The following PTPRB variants were observed in gnomAD, a reference collection of about 807,000 sequenced individuals.
PTPRB encodes the protein protein tyrosine phosphatase receptor type B.
PTPRB carries 97 observed loss-of-function variants against 238.1 expected under a neutral mutation model. The observed-to-expected ratio is 0.41, with a 90% confidence interval of 0.35 to 0.48. The LOEUF (loss-of-function observed/expected upper bound fraction) is 0.48, where lower values mean the gene tolerates loss of function less well. Ranked by LOEUF, PTPRB falls within the 20% of genes least tolerant of loss-of-function variation. PTPRB has a pLI of 0.30. For missense variants in PTPRB, 2,292 were observed against 2,681.9 expected, an observed-to-expected ratio of 0.85 and a Z score of 3.21; for synonymous variants, 970 against 995.4, an observed-to-expected ratio of 0.97 and a Z score of 0.48.
intron 3 of PTPRB, among the ~76,000 whole-genome samples, chr12:70,620,564 T>C (rs930972111): frequency 2.0e-5 from 3 of 152,206 alleles, no homozygotes; most frequent in African/African-American, 7.2e-5. Context: ...ATAAATAAAA[T>C]CTCTTGTAAA....
At chr12:70,576,967 A>T (rs1880852340) in intron 10 of PTPRB, among the ~76,000 whole-genome samples, 2 of 152,150 alleles carry the variant, frequency 1.3e-5, no homozygotes, top group Non-Finnish European at 2.9e-5. Context: ...ATCCTTATAC[A>T]ATGTTTTAGA....
At chr12:70,595,454 C>T (rs1169756792) in intron 5 of PTPRB, among the ~76,000 whole-genome samples, 1 of 151,874 alleles carries the variant, frequency 6.6e-6, no homozygotes, top group African/African-American at 2.4e-5. Context: ...ATAAATATCC[C>T]AGAACTTAAA....
chr12:70,524,807 C>A (rs1413287944), intron 32 of PTPRB, among the ~76,000 whole-genome samples: 1 of 150,924 alleles, frequency 6.6e-6, no homozygotes, highest in Non-Finnish European at 1.5e-5. Context: ...ATTTTTCATT[C>A]TTTTTATATA....
intron 32 of PTPRB, among the ~76,000 whole-genome samples, chr12:70,529,537 T>C (rs1872863238): frequency 6.6e-6 from 1 of 152,176 alleles, no homozygotes; most frequent in Non-Finnish European, 1.5e-5. Context: ...TGTTCATTCA[T>C]TTAAAAGATT....
Position 70,573,634 on chromosome 12 carries a change from T to C in PTPRB, c.2843-1547A>G, listed in dbSNP as rs553111654. 2.0e-5 allele frequency among the ~76,000 whole-genome samples: 3 copies of C among 151,488 alleles called. No homozygotes were observed. The East Asian group carries it at 5.8e-4, about 29-fold the overall frequency. On this transcript the variant is annotated intron_variant, in intron 11 of 33. Transcript: ENST00000334414. ...GATTCTCCTGCCTCAGCCTCCCAAG[T>C]AGCTGGGATTACAGGTGCCTGCCAC...
At position 70,569,901 on chromosome 12, in the gene PTPRB, A is replaced by G. The variant is rs376983796; in HGVS notation, c.3408T>C (p.Asn1136=). ...SAVKNIHISP[N]GATDSLTVNW... ...TCACCGTCAGGCTATCTGTTGCTCC[A>G]TTGGGAGAAATGTGAATATTTTTGA... The change falls in exon 14 of 34, where the codon AAT becomes AAC. Residue 1136 remains asparagine, a synonymous_variant. Coordinates refer to ENST00000334414, the MANE Select transcript of PTPRB (RefSeq NM_001109754.4). The G allele has an allele frequency of 6.2e-7, 1 of 1,612,208 alleles. No individual in the cohort carries two copies. The highest frequency in any genetic ancestry group is 2.2e-5 in the East Asian group (1 of 44,880).
intron 15 of PTPRB, among the ~76,000 whole-genome samples, chr12:70,564,512 C>T (rs113465319): frequency 0.016 from 2,168 of 136,400 alleles, 30 homozygotes; most frequent in Admixed American, 0.024. Context: ...GAGGGAGACT[C>T]CATCTCAAAA....
intron 15 of PTPRB, 32 bp downstream of exon 15, chr12:70,566,403 T>A (rs776169723): frequency 6.2e-7 from 1 of 1,602,896 alleles, no homozygotes; most frequent in East Asian, 2.2e-5. Flanking sequence ...ATTGGCAATA[T>A]GTGCTACAAA....
At position 70,622,624 on chromosome 12, in the gene PTPRB, C is replaced by T. The variant is rs376545279; in HGVS notation, c.474G>A (p.Ser158=). 4.3e-5 allele frequency: 68 copies of T among 1,574,566 alleles called. 1 individual carries two copies. The highest frequency in any genetic ancestry group is 1.7e-4 in the Middle Eastern group (1 of 6,022). The change falls in exon 3 of 34, where the codon TCG becomes TCA. Residue 158 remains serine, a synonymous_variant. Coordinates refer to ENST00000334414, the MANE Select transcript of PTPRB (RefSeq NM_001109754.4). The stretch of plus-strand genomic sequence containing the variant: ...GAGCCGTGTTTCTAGTGCTCCTCAC[C>T]GAAACTTCTGCTCCCAGGCCAGCTG... ...LQKAGLGAEV[S]VRSTRNTAPP...
At chr12:70,585,944 G>A (rs1881862836) in intron 9 of PTPRB, among the ~76,000 whole-genome samples, 1 of 152,040 alleles carries the variant, frequency 6.6e-6, no homozygotes, top group South Asian at 2.1e-4. Flanking sequence ...ATGGTTTCCA[G>A]CTTCATTCAC....
intron 31 of PTPRB, 30 bp downstream of exon 31, chr12:70,534,458 C>A (rs778527881): frequency 4.4e-6 from 7 of 1,605,918 alleles, no homozygotes; most frequent in South Asian, 3.3e-5. Context: ...TTATGGCTGC[C>A]ATTTTATTGG....
At position 70,636,011 on chromosome 12, in the gene PTPRB, T is replaced by C; in HGVS notation, c.111A>G (p.Lys37=). The change falls in exon 2 of 34, where the codon AAA becomes AAG. Residue 37 remains lysine (K), a synonymous_variant. Coordinates refer to ENST00000334414, the MANE Select transcript of PTPRB (RefSeq NM_001109754.4). The part of the protein sequence containing the change: ...QKQQCLFKNE[K]VVVGSCNRTI... ...TCCTGTTGCATGAGCCCACGACCAC[T>C]TTCTCATTTTTGAAAAGACACTGTT... 2 of 1,613,554 alleles carry C rather than the reference T, an allele frequency of 1.2e-6. No homozygotes were observed. The highest frequency in any genetic ancestry group is 1.7e-6 in the Non-Finnish European group (2 of 1,179,736).
rs1873886186 is a variant in PTPRB, at chr12:70,535,008, G to A, written c.6082-53C>T. On this transcript the variant is annotated intron_variant, in intron 29 of 33. Transcript: ENST00000334414. Reference sequence around the variant, plus strand: ...GAGTCCGGAAAAGTGACTCCTTGGTGAACCTGGGGTTTCCCTCCTCTAAAT... The same window carrying A: ...GAGTCCGGAAAAGTGACTCCTTGGTAAACCTGGGGTTTCCCTCCTCTAAAT... 8.9e-6 allele frequency: 14 copies of A among 1,567,574 alleles called. 2 individuals are homozygous for A. The Admixed American group carries it at 2.6e-4, about 29-fold the overall frequency.
At chr12:70,534,343 A>T in intron 31 of PTPRB, 145 bp downstream of exon 31, 1 of 858,914 alleles carries the variant, frequency 1.2e-6, no homozygotes, top group Non-Finnish European at 1.8e-6. Context: ...GAGGAACGTT[A>T]TAAAACCCTC....
rs1871213704 is a variant in PTPRB, at chr12:70,516,587, T to TTA, written c.*4900_*4901dup. 1 of 152,250 alleles carries TTA rather than the reference T, an allele frequency of 6.6e-6. No individual in the cohort carries two copies. The highest frequency in any genetic ancestry group is 2.4e-5 in the African/African-American group (1 of 41,472). 9.4% of individuals were successfully genotyped at this position (152,250 alleles called of 1,614,324 possible). A position where few individuals can be genotyped will look rare whatever the true frequency, so the allele number is the denominator to read the frequency against. On this transcript the variant is annotated 3_prime_UTR_variant, in exon 34 of 34. Coordinates refer to ENST00000334414, the MANE Select transcript of PTPRB (RefSeq NM_001109754.4). ...TGTGTTCCTTTCTTGATGGAGGTGC[T>TTA]TATCTACGCACACAGCTATTAGAAC...
intron 9 of PTPRB, among the ~76,000 whole-genome samples, chr12:70,585,696 T>C (rs1360542610): frequency 6.6e-6 from 1 of 152,104 alleles, no homozygotes; most frequent in Non-Finnish European, 1.5e-5. Context: ...GTGCACAACA[T>C]GCAGTTTTGT....
intron 33 of PTPRB, among the ~76,000 whole-genome samples, chr12:70,522,810 T>C (rs1483007307): frequency 6.6e-6 from 1 of 152,060 alleles, no homozygotes; most frequent in African/African-American, 2.4e-5. Context: ...CCTGCTTTTC[T>C]TTATTTAGCT....
At chr12:70,595,945 A>ATTAGCAATTAG in intron 5 of PTPRB, 104 bp downstream of exon 5, 3 of 1,103,666 alleles carry the variant, frequency 2.7e-6, no homozygotes, top group Non-Finnish European at 3.7e-6. Context: ...TTGCTAATTA[A>ATTAGCAATTAG]TTAACTTTGC....
intron 9 of PTPRB, among the ~76,000 whole-genome samples, chr12:70,583,418 G>A (rs552094139): frequency 1.2e-4 from 18 of 152,230 alleles, no homozygotes; most frequent in African/African-American, 2.6e-4. Flanking sequence ...ATCATAAAGC[G>A]AACTGTTGTG....
Sources: allele counts gnomAD v4.1 joint callset (sites outside exome capture counted in the v4.1 genomes callset), GRCh38; gene constraint gnomAD v4.1.1; transcripts MANE v1.5; gene names NCBI Gene and HGNC (gene_info 2026-07-23, HGNC 2026-07-21).